AGPS: variants seen among roughly 807,000 people sequenced by gnomAD.
The protein encoded by AGPS is alkyldihydroxyacetonephosphate synthase, peroxisomal.
AGPS carries 26 observed loss-of-function variants against 90.7 expected under a neutral mutation model. That is an observed-to-expected ratio of 0.29 (90% CI 0.21 to 0.40). The LOEUF (loss-of-function observed/expected upper bound fraction) is 0.40. Among genes scored for constraint, AGPS ranks in the 10% least tolerant of loss-of-function variants. AGPS has a pLI of 1.00. For missense variants in AGPS, 540 were observed against 816.1 expected, an observed-to-expected ratio of 0.66 and a Z score of 4.12; for synonymous variants, 294 against 285.3, an observed-to-expected ratio of 1.03 and a Z score of -0.31.
intron 2 of AGPS, among the ~76,000 whole-genome samples, chr2:177,421,376 T>C (rs1054988360): frequency 1.2e-4 from 18 of 152,072 alleles, no homozygotes; most frequent in African/African-American, 4.1e-4. Context: ...TATTAAAATA[T>C]CAGCAAAGTA....
chr2:177,501,388 T>TG (rs746406328), intron 14 of AGPS, among the ~76,000 whole-genome samples: 1 of 152,138 alleles, frequency 6.6e-6, no homozygotes, highest in African/African-American at 2.4e-5. Context: ...CCTGTTAGAA[T>TG]GGGGTAGGAT....
intron 1 of AGPS, among the ~76,000 whole-genome samples, chr2:177,404,610 A>T (rs1266039727): frequency 1.3e-5 from 2 of 152,056 alleles, no homozygotes; most frequent in Admixed American, 6.5e-5. Context: ...TCTTTTTTCC[A>T]CCTAATATTA....
intron 4 of AGPS, 36 bp downstream of exon 4, chr2:177,436,920 CA>C (rs1215174473): frequency 1.9e-6 from 3 of 1,610,044 alleles, no homozygotes; most frequent in East Asian, 2.2e-5. Context: ...TTATTTTTAA[CA>C]AAAAAATTCT....
chr2:177,455,344 T>C (rs1283811419), intron 8 of AGPS, among the ~76,000 whole-genome samples: 2 of 152,248 alleles, frequency 1.3e-5, no homozygotes, highest in Admixed American at 1.3e-4. Flanking sequence ...GCCTGGATTC[T>C]GTTTCTGTGG....
chr2:177,392,865 G>A lies in AGPS; in HGVS notation c.76G>A (p.Asp26Asn). The stretch of plus-strand genomic sequence containing the variant: ...GAGCTACGGGTCTGCAGCGGACCGG[G>A]ACCGGGACCCGGACCCGGACCGCGC... ...GASYGSAADR[D>N]RDPDPDRAGR... The change falls in exon 1 of 20, where the codon GAC becomes AAC. Residue 26 changes from aspartate (D) to asparagine (N), a missense_variant. Coordinates refer to ENST00000264167, the MANE Select transcript of AGPS (RefSeq NM_003659.4). The A allele has an allele frequency of 6.4e-7, 1 of 1,554,174 alleles. No homozygotes were observed. Among genetic ancestry groups the A allele is most frequent in the Non-Finnish European group, 8.7e-7 (1 of 1,152,424 alleles).
intron 10 of AGPS, among the ~76,000 whole-genome samples, chr2:177,469,999 C>T (rs1231770050): frequency 6.6e-6 from 1 of 152,120 alleles, no homozygotes; most frequent in Non-Finnish European, 1.5e-5. Flanking sequence ...TTGATAGGTG[C>T]TTACAAAGGC....
chr2:177,513,187 T>TG (rs1489295385), intron 16 of AGPS, among the ~76,000 whole-genome samples: 32 of 152,220 alleles, frequency 2.1e-4, no homozygotes, highest in African/African-American at 7.7e-4. Context: ...CCTGCCCTCC[T>TG]GGGCTCCAGC....
chr2:177,513,971 G>A (rs1002029141), intron 17 of AGPS, 63 bp downstream of exon 17: 5 of 1,244,442 alleles, frequency 4.0e-6, no homozygotes, highest in Admixed American at 1.7e-5. Context: ...TTAATCAAGG[G>A]GGGGAATATA....
chr2:177,443,194 T>C (rs1418732089), intron 7 of AGPS, among the ~76,000 whole-genome samples: 1 of 152,188 alleles, frequency 6.6e-6, no homozygotes, highest in Non-Finnish European at 1.5e-5. Flanking sequence ...CCTGGCAAAA[T>C]CAAAAGTAAT....
At chr2:177,442,873 A>C (rs911914350) in intron 7 of AGPS, among the ~76,000 whole-genome samples, 3 of 151,822 alleles carry the variant, frequency 2.0e-5, no homozygotes, top group African/African-American at 7.2e-5. Flanking sequence ...TTTTGTTTTA[A>C]ATGTATTTCA....
At chr2:177,401,973 A>T (rs1228802874) in intron 1 of AGPS, among the ~76,000 whole-genome samples, 2 of 152,178 alleles carry the variant, frequency 1.3e-5, no homozygotes, top group Admixed American at 6.5e-5. Flanking sequence ...ACAAGTATTT[A>T]TTGGTTACTT....
intron 19 of AGPS, among the ~76,000 whole-genome samples, chr2:177,532,354 G>GA (rs1264564238): frequency 6.6e-6 from 1 of 152,014 alleles, no homozygotes; most frequent in African/African-American, 2.4e-5. Flanking sequence ...ATAATCACAT[G>GA]AAAAAATGTT....
At chr2:177,495,986 G>A (rs898623031) in intron 12 of AGPS, among the ~76,000 whole-genome samples, 14 of 149,982 alleles carry the variant, frequency 9.3e-5, no homozygotes, top group African/African-American at 3.2e-4. Flanking sequence ...TATATTGTTA[G>A]GCAACATATT....
At chr2:177,447,430 A>G (rs1316690961) in intron 8 of AGPS, among the ~76,000 whole-genome samples, 1 of 152,092 alleles carries the variant, frequency 6.6e-6, no homozygotes, top group Non-Finnish European at 1.5e-5. Context: ...GGGCAGAATA[A>G]TAGTATTTAA....
intron 2 of AGPS, among the ~76,000 whole-genome samples, chr2:177,421,631 T>C (rs781094084): frequency 6.6e-6 from 1 of 152,098 alleles, no homozygotes; most frequent in Non-Finnish European, 1.5e-5. Context: ...GGAGGCTTAG[T>C]TGAGAAATTG....
At chr2:177,431,165 G>C (rs972820000) in intron 2 of AGPS, among the ~76,000 whole-genome samples, 3 of 152,220 alleles carry the variant, frequency 2.0e-5, no homozygotes, top group East Asian at 3.9e-4. Flanking sequence ...GGGCCGCCGG[G>C]GGTGATACCA....
At chr2:177,502,961 G>C (rs1473640956) in intron 14 of AGPS, among the ~76,000 whole-genome samples, 1 of 151,988 alleles carries the variant, frequency 6.6e-6, no homozygotes, top group African/African-American at 2.4e-5. Context: ...GTTTTCATGT[G>C]CTAGTTTAGC....
intron 9 of AGPS, among the ~76,000 whole-genome samples, chr2:177,466,470 C>T (rs892076976): frequency 2.0e-5 from 3 of 152,192 alleles, no homozygotes; most frequent in African/African-American, 4.8e-5. Flanking sequence ...GGGGTTTCAC[C>T]GGGGACCGCC....
chr2:177,436,677 T>C lies in AGPS; in HGVS notation c.442-87T>C, dbSNP rs568037213. The C allele has an allele frequency of 1.6e-4, 217 of 1,331,296 alleles. 5 individuals are homozygous for C. The South Asian group carries it at 2.5e-3, about 16-fold the overall frequency. 82.5% of individuals were successfully genotyped at this position (1,331,296 alleles called of 1,614,324 possible). ...CTTACTTTGAATGTTTAAAAAAAAG[T>C]CTACATTTTATAGTCATTCTCTCTA... On this transcript the variant is annotated intron_variant, in intron 3 of 19. Coordinates refer to ENST00000264167, the MANE Select transcript of AGPS (RefSeq NM_003659.4).
Sources: allele counts gnomAD v4.1 joint callset (sites outside exome capture counted in the v4.1 genomes callset), GRCh38; gene constraint gnomAD v4.1.1; transcripts MANE v1.5; gene names NCBI Gene and HGNC (gene_info 2026-07-23, HGNC 2026-07-21).